CDH18: variants seen among roughly 807,000 people sequenced by gnomAD.
The protein encoded by CDH18 is cadherin-18.
Under a neutral mutation model 67.9 loss-of-function variants are expected in CDH18, and 31 were observed. The ratio of observed to expected loss-of-function variants is 0.46; its 90% CI spans 0.34 to 0.62. The LOEUF (loss-of-function observed/expected upper bound fraction) is 0.62, where lower values mean the gene tolerates loss of function less well. Ranked by LOEUF, CDH18 falls within the 20% of genes least tolerant of loss-of-function variation. The probability of loss-of-function intolerance (pLI) is 0.01; values close to 1 mark genes in which losing one functional copy is unlikely to be tolerated. For missense variants in CDH18, 890 were observed against 975.5 expected, an observed-to-expected ratio of 0.91 and a Z score of 1.17; for synonymous variants, 362 against 347.2, an observed-to-expected ratio of 1.04 and a Z score of -0.48.
At chr5:20,122,604 C>A (rs1017924572) in intron 2 of CDH18, among the ~76,000 whole-genome samples, 26 of 151,612 alleles carry the variant, frequency 1.7e-4, no homozygotes, top group Non-Finnish European at 3.2e-4. Context: ...TATTTAAATG[C>A]CTCAACTTAT....
intron 1 of CDH18, among the ~76,000 whole-genome samples, chr5:20,481,289 T>G (rs975054544): frequency 2.6e-5 from 4 of 151,606 alleles, no homozygotes; most frequent in African/African-American, 9.7e-5. Context: ...ACATAGGAAT[T>G]GTAAATACAT....
chr5:20,489,233 A>G (rs1006366385), intron 1 of CDH18, among the ~76,000 whole-genome samples: 7 of 151,770 alleles, frequency 4.6e-5, no homozygotes, highest in African/African-American at 1.7e-4. Flanking sequence ...AGATCTCTCC[A>G]CTCCCCTCTC....
chr5:20,137,440 T>C (rs911357493), intron 2 of CDH18, among the ~76,000 whole-genome samples: 1 of 152,168 alleles, frequency 6.6e-6, no homozygotes, highest in African/African-American at 2.4e-5. Flanking sequence ...CATCAGGTCA[T>C]TTAAGGTCTT....
At chr5:20,129,947 C>T (rs757542705) in intron 2 of CDH18, among the ~76,000 whole-genome samples, 41 of 150,510 alleles carry the variant, frequency 2.7e-4, no homozygotes, top group Non-Finnish European at 5.2e-4. Context: ...TTGGATGAAT[C>T]GGTGAAAGTA....
rs575103944 is a variant in CDH18, at chr5:20,305,303, C to T, written c.-579-49798G>A. ...TTAAAGCCTCCTCTACTGTCAGATT[C>T]GAATCCAACATTTCTGCGCTTTGCT... On this transcript the variant is annotated intron_variant, in intron 1 of 14. Coordinates refer to the CDH18 transcript ENST00000507958. The T allele has an allele frequency of 7.1e-6, 11 of 1,546,930 alleles. No individual in the cohort carries two copies. The Middle Eastern group carries it at 6.8e-4, about 95-fold the overall frequency.
chr5:19,715,092 A>G (rs1437461728), intron 5 of CDH18, among the ~76,000 whole-genome samples: 4 of 152,124 alleles, frequency 2.6e-5, no homozygotes, highest in African/African-American at 9.7e-5. Flanking sequence ...AATGATACAA[A>G]ATGAAATTTA....
intron 4 of CDH18, among the ~76,000 whole-genome samples, chr5:19,725,641 T>A (rs562037952): frequency 6.6e-6 from 1 of 152,016 alleles, no homozygotes; most frequent in African/African-American, 2.4e-5. Context: ...TGGTGGTGCA[T>A]GCCTGTAATC....
At position 20,117,441 on chromosome 5, in the gene CDH18, C is replaced by T. The variant is rs1263599875; in HGVS notation, c.-517-125427G>A. ...TCTTAATGAGGTTTTATTAAAATTA[C>T]TTGTTTACTTGTGCCAGTCAAATCT... On this transcript the variant is annotated intron_variant, in intron 2 of 14. Transcript: ENST00000507958. 2.0e-5 allele frequency among the ~76,000 whole-genome samples: 3 copies of T among 152,126 alleles called. No homozygotes were observed. The East Asian group carries it at 5.8e-4, about 29-fold the overall frequency.
intron 2 of CDH18, among the ~76,000 whole-genome samples, chr5:20,214,011 T>C (rs1269815162): frequency 6.6e-6 from 1 of 151,864 alleles, no homozygotes; most frequent in East Asian, 1.9e-4. Flanking sequence ...AAAATAAACA[T>C]ACAAAAATTA....
chr5:19,614,100 A>C (rs1749442632), intron 5 of CDH18, among the ~76,000 whole-genome samples: 1 of 152,056 alleles, frequency 6.6e-6, no homozygotes, highest in Admixed American at 6.6e-5. Context: ...ATCTTAATTT[A>C]TGAGAAGGAG....
intron 2 of CDH18, among the ~76,000 whole-genome samples, chr5:19,968,214 A>G (rs537358037): frequency 6.6e-6 from 1 of 152,284 alleles, no homozygotes; most frequent in African/African-American, 2.4e-5. Context: ...ATGGAAAAAC[A>G]TTCCATGCTC....
intron 1 of CDH18, among the ~76,000 whole-genome samples, chr5:20,513,333 A>T (rs1378939538): frequency 6.6e-6 from 1 of 152,142 alleles, no homozygotes; most frequent in Non-Finnish European, 1.5e-5. Flanking sequence ...ATACATCTTC[A>T]GAGAGACAAT....
At chr5:19,916,320 TG>T (rs1378360610) in intron 2 of CDH18, among the ~76,000 whole-genome samples, 1 of 152,144 alleles carries the variant, frequency 6.6e-6, no homozygotes, top group Non-Finnish European at 1.5e-5. Flanking sequence ...AGGCAAAAAC[TG>T]TAGCTATTCT....
chr5:19,614,021 T>C (rs1051919885), intron 5 of CDH18, among the ~76,000 whole-genome samples: 2 of 152,136 alleles, frequency 1.3e-5, no homozygotes, highest in African/African-American at 4.8e-5. Context: ...TTAGTTACAG[T>C]ACAATTCTTA....
chr5:20,194,514 A>C (rs1738805918), intron 2 of CDH18, among the ~76,000 whole-genome samples: 1 of 152,084 alleles, frequency 6.6e-6, no homozygotes, highest in African/African-American at 2.4e-5. Context: ...CACTCTGAAC[A>C]GATATAAGGG....
intron 3 of CDH18, among the ~76,000 whole-genome samples, chr5:19,771,312 GCTTACTCCCTC>G (rs1403478705): frequency 2.0e-5 from 3 of 152,182 alleles, no homozygotes; most frequent in Non-Finnish European, 2.9e-5. Flanking sequence ...CTTCTGTCAT[GCTTACTCCCTC>G]TTATCATCTA....
chr5:20,119,843 TATAAC>T (rs1748207614), intron 2 of CDH18, among the ~76,000 whole-genome samples: 1 of 152,108 alleles, frequency 6.6e-6, no homozygotes, highest in African/African-American at 2.4e-5. Context: ...ATTTCATTAG[TATAAC>T]ATAACAACAG....
rs77373751 is a variant in CDH18, at chr5:20,125,818, A to C, written c.-518+129626T>G. Among the ~76,000 whole-genome samples the C allele has an allele frequency of 1.8e-4, 27 of 151,924 alleles. 1 individual carries two copies. In the East Asian group the frequency reaches 5.3e-3, roughly 30 times the overall value. On this transcript the variant is annotated intron_variant, in intron 2 of 14. Coordinates refer to the CDH18 transcript ENST00000507958. ...CATAGTTGATTCCCTTCATTTCCTC[A>C]TGATCCAAGGACTCAATACCACAAC...
chr5:20,373,633 A>G (rs940550151), intron 1 of CDH18, among the ~76,000 whole-genome samples: 1 of 148,462 alleles, frequency 6.7e-6, no homozygotes, highest in Non-Finnish European at 1.5e-5. Flanking sequence ...GTCTCTCCTG[A>G]AAAATAAATA....
Sources: allele counts gnomAD v4.1 joint callset (sites outside exome capture counted in the v4.1 genomes callset), GRCh38; gene constraint gnomAD v4.1.1; transcripts MANE v1.5; gene names NCBI Gene and HGNC (gene_info 2026-07-23, HGNC 2026-07-21).